DNAH5: variants seen among roughly 807,000 people sequenced by gnomAD.
DNAH5 encodes dynein axonemal heavy chain 5.
A neutral mutation model predicts 518.2 loss-of-function variants in DNAH5; 372 were observed. The observed-to-expected ratio is 0.72, with a 90% CI of 0.66 to 0.78. The LOEUF (loss-of-function observed/expected upper bound fraction) is 0.78, where lower values mean the gene tolerates loss of function less well. Ranked by LOEUF, DNAH5 falls within the 30% of genes least tolerant of loss-of-function variation. The probability of loss-of-function intolerance (pLI) is 0.00; values close to 1 mark genes in which losing one functional copy is unlikely to be tolerated. For synonymous variants in DNAH5, 2,039 were observed against 2,025.9 expected, an observed-to-expected ratio of 1.01 and a Z score of -0.17; for missense variants, 5,523 against 5,687.0, an observed-to-expected ratio of 0.97 and a Z score of 0.93.
At chr5:13,747,509 T>G (rs1447045720) in intron 65 of DNAH5, among the ~76,000 whole-genome samples, 3 of 152,216 alleles carry the variant, frequency 2.0e-5, no homozygotes, top group African/African-American at 7.2e-5. Flanking sequence ...CCACCAACAG[T>G]GTAAAAGTAT....
chr5:13,946,862 G>A (rs1313941876), upstream of DNAH5, among the ~76,000 whole-genome samples: 6 of 152,196 alleles, frequency 3.9e-5, no homozygotes, highest in Non-Finnish European at 7.3e-5. Context: ...TGCCTTTTAC[G>A]CAGCCAGACG....
At chr5:13,775,725 G>A (rs1031722157) in intron 55 of DNAH5, among the ~76,000 whole-genome samples, 2 of 152,086 alleles carry the variant, frequency 1.3e-5, no homozygotes, top group Admixed American at 6.6e-5. Flanking sequence ...GTAGAAGTGG[G>A]GAGTAAGAGG....
chr5:13,869,342 A>G (rs1003292810), intron 24 of DNAH5, among the ~76,000 whole-genome samples: 2 of 152,092 alleles, frequency 1.3e-5, no homozygotes, highest in African/African-American at 4.8e-5. Flanking sequence ...TAATGCTACA[A>G]TTAAACTAGT....
At chr5:13,753,102 TCTGCTACTGCTCTA>T in intron 63 of DNAH5, 117 bp downstream of exon 63, 1 of 672,552 alleles carries the variant, frequency 1.5e-6, no homozygotes, top group South Asian at 1.8e-5. Context: ...TAAGCTTGCA[TCTGCTACTGCTCTA>T]CCTAGGATTA....
In DNAH5 at chr5:13,690,932, C is replaced by T. The variant is rs1440503870; in HGVS notation, c.*1052G>A. The T allele has an allele frequency of 6.6e-6, 1 of 152,008 alleles. No homozygotes were observed. Among genetic ancestry groups the T allele is most frequent in the Non-Finnish European group, 1.5e-5 (1 of 67,994 alleles). The allele number at this position is 152,008 out of a possible 1,614,324, so 9.4% of individuals were successfully genotyped here. A position where few individuals can be genotyped will look rare whatever the true frequency, so the allele number is the denominator to read the frequency against. On this transcript the variant is annotated 3_prime_UTR_variant, in exon 79 of 79. Transcript: ENST00000265104. ...ATCTGTTCTTATTTTTCTATCTTGC[C>T]ATCTAATCTTTGTCCACATGCAAAT...
chr5:13,699,319 GTC>G (rs1741767449), intron 78 of DNAH5, among the ~76,000 whole-genome samples: 1 of 152,166 alleles, frequency 6.6e-6, no homozygotes. Flanking sequence ...TAGACTGTGA[GTC>G]TCTGGGAGCT....
intron 1 of DNAH5, among the ~76,000 whole-genome samples, chr5:13,942,341 T>A (rs766821015): frequency 6.6e-6 from 1 of 152,210 alleles, no homozygotes; most frequent in African/African-American, 2.4e-5. Flanking sequence ...TAAATATATA[T>A]GGACTTGTAG....
intron 52 of DNAH5, among the ~76,000 whole-genome samples, chr5:13,784,092 TGGAGAAAAC>T (rs2126856949): frequency 6.6e-6 from 1 of 152,284 alleles, no homozygotes; most frequent in Non-Finnish European, 1.5e-5. Flanking sequence ...CTGCGAATCA[TGGAGAAAAC>T]GGCAGTTCTA....
chr5:13,945,410 G>C (rs1193035001), upstream of DNAH5, among the ~76,000 whole-genome samples: 1 of 152,236 alleles, frequency 6.6e-6, no homozygotes, highest in African/African-American at 2.4e-5. Context: ...CATCCTGCTA[G>C]TCAACCTCTG....
intron 75 of DNAH5, among the ~76,000 whole-genome samples, chr5:13,713,669 T>C (rs936588069): frequency 2.1e-5 from 3 of 143,736 alleles, no homozygotes; most frequent in African/African-American, 5.1e-5. Flanking sequence ...AATGATACAA[T>C]GGACTTTGGG....
intron 1 of DNAH5, among the ~76,000 whole-genome samples, chr5:13,961,186 A>C (rs1383048283): frequency 2.0e-5 from 3 of 152,198 alleles, no homozygotes; most frequent in Admixed American, 2.0e-4. Context: ...ATATTTAATA[A>C]TATAAAAATC....
rs554707170 is a variant in DNAH5, at chr5:13,694,617, T to C, written c.13724-2482A>G. Among the ~76,000 whole-genome samples the C allele has an allele frequency of 2.0e-4, 31 of 152,360 alleles. No homozygotes were observed. The South Asian group carries it at 2.9e-3, about 14-fold the overall frequency. On this transcript the variant is annotated intron_variant, in intron 78 of 78. Transcript: ENST00000265104. ...AACACCTTGGGGGAATTTCATTTTC[T>C]GACTATTTAACTTCCCTATCTTGCA...
intron 1 of DNAH5, among the ~76,000 whole-genome samples, chr5:13,964,017 T>G (rs1781367882): frequency 6.6e-6 from 1 of 152,192 alleles, no homozygotes; most frequent in Non-Finnish European, 1.5e-5. Flanking sequence ...TCTACAGTAA[T>G]TTTACATGTA....
rs563800936 is a variant in DNAH5, at chr5:13,885,053, A to G, written c.2919T>C (p.Val973=). 2.5e-6 allele frequency: 4 copies of G among 1,614,224 alleles called. No homozygotes were observed. In the East Asian group the frequency reaches 8.9e-5, roughly 36 times the overall value. The change falls in exon 19 of 79, where the codon GTT becomes GTC. Residue 973 remains valine (V), a synonymous_variant. Transcript: ENST00000265104. ...GAATGGCCTCTAGTGTATTCCTTGT[A>G]ACTTTCAGAAGAGCATCCATGTTCT... ...NHQNMDALLK[V]TRNTLEAIRK... is the part of the protein sequence containing the mutation.
In DNAH5 at chr5:13,817,701, C is replaced by G; in HGVS notation, c.6842-7G>C. 1.2e-6 allele frequency: 2 copies of G among 1,613,956 alleles called. No individual in the cohort carries two copies. The highest frequency in any genetic ancestry group is 1.3e-5 in the African/African-American group (1 of 75,044). On this transcript the variant is annotated splice_region_variant and splice_polypyrimidine_tract_variant and intron_variant, in intron 41 of 78. Transcript: ENST00000265104. Reference sequence around the variant, plus strand: ...CGATGTGGTTTTCCACAATCTATACCAAGTAAATCCAAATTTTAGACATCT... The same window carrying G: ...CGATGTGGTTTTCCACAATCTATACGAAGTAAATCCAAATTTTAGACATCT...
At position 13,850,765 on chromosome 5, in the gene DNAH5, A is replaced by C; in HGVS notation, c.5001T>G (p.Thr1667=). ...CTACACTGGGCACTTCATGTGCCCG[A>C]GTCATGATCTTCACCCAAGATTTAT... ...NIDKSWVKIM[T]RAHEVPSVVQ... is the part of the protein sequence containing the mutation. The change falls in exon 31 of 79, where the codon ACT becomes ACG. Residue 1667 remains threonine (T), a synonymous_variant. Coordinates refer to ENST00000265104, the MANE Select transcript of DNAH5 (RefSeq NM_001369.3). 1 of 1,614,164 alleles carries C rather than the reference A, an allele frequency of 6.2e-7. No individual in the cohort carries two copies. Among genetic ancestry groups the C allele is most frequent in the South Asian group, 1.1e-5 (1 of 91,082 alleles).
chr5:13,866,514 A>G (rs1178331503), intron 25 of DNAH5, among the ~76,000 whole-genome samples: 2 of 152,208 alleles, frequency 1.3e-5, no homozygotes, highest in Non-Finnish European at 2.9e-5. Context: ...TTAAGATTAA[A>G]AATATGTATT....
chr5:13,738,446 G>C (rs1398172200), intron 65 of DNAH5, among the ~76,000 whole-genome samples: 4 of 152,212 alleles, frequency 2.6e-5, no homozygotes, highest in Non-Finnish European at 4.4e-5. Flanking sequence ...AAGCAACTGA[G>C]CTGCAACTGT....
At chr5:13,981,452 C>T (rs1782668651) in intron 1 of DNAH5, among the ~76,000 whole-genome samples, 1 of 152,216 alleles carries the variant, frequency 6.6e-6, no homozygotes, top group South Asian at 2.1e-4. Flanking sequence ...CTCATACTTC[C>T]TTGTGGAGGA....
Sources: gnomAD v4.1 joint callset for allele counts (sites outside exome capture counted in the v4.1 genomes callset) on GRCh38, gnomAD v4.1.1 for gene constraint, MANE v1.5 for transcripts, NCBI Gene and HGNC (gene_info 2026-07-23, HGNC 2026-07-21) for gene names.